Variants in ZC3H18 observed in about 807,000 individuals in gnomAD.
ZC3H18 encodes zinc finger CCCH domain-containing protein 18.
In ZC3H18, 8 loss-of-function variants were observed where a neutral mutation model predicts 106.1. That is an observed-to-expected ratio of 0.08 (90% CI 0.04 to 0.14). The LOEUF (loss-of-function observed/expected upper bound fraction) is 0.14. Ranked by LOEUF, ZC3H18 falls within the 10% of genes least tolerant of loss-of-function variation. The pLI, the probability that ZC3H18 is intolerant of heterozygous loss-of-function variation, is 1.00. For synonymous variants in ZC3H18, 635 were observed against 522.1 expected (o/e 1.22, Z -2.95); for missense variants, 1,318 against 1,278.4 (o/e 1.03, Z -0.47).
intron 2 of ZC3H18, among the ~76,000 whole-genome samples, chr16:88,579,793 G>T (rs1043624358): frequency 3.5e-4 from 54 of 152,158 alleles, no homozygotes; most frequent in Non-Finnish European, 1.0e-4. Context: ...TTCTTCCACC[G>T]CACAGACTGC....
At chr16:88,624,489 G>A in intron 11 of ZC3H18, 113 bp from the exon 12 acceptor site, 1 of 1,516,076 alleles carries the variant, frequency 6.6e-7, no homozygotes, top group Non-Finnish European at 9.0e-7. Flanking sequence ...TGCTCACCGA[G>A]CGTCACAGGC....
At chr16:88,629,399 C>A (rs1667968119) in intron 16 of ZC3H18, among the ~76,000 whole-genome samples, 1 of 152,242 alleles carries the variant, frequency 6.6e-6, no homozygotes, top group African/African-American at 2.4e-5. Flanking sequence ...TCGCTTGAAC[C>A]TGGGAGGCAG....
intron 9 of ZC3H18, 44 bp from the exon 10 acceptor site, chr16:88,623,175 G>A (rs1368799035): frequency 1.9e-6 from 3 of 1,598,350 alleles, no homozygotes; most frequent in South Asian, 2.2e-5. Flanking sequence ...GGGGCAGGGA[G>A]GGCCCTTCTC....
At chr16:88,624,539 G>C (rs1906175373) in intron 11 of ZC3H18, 63 bp from the exon 12 acceptor site, 8 of 1,610,884 alleles carry the variant, frequency 5.0e-6, no homozygotes, top group Non-Finnish European at 6.8e-6. Context: ...CATTGAAAGG[G>C]GATGTAGGCC....
chr16:88,619,717 C>T (rs537513442), intron 8 of ZC3H18, among the ~76,000 whole-genome samples: 18 of 152,310 alleles, frequency 1.2e-4, no homozygotes, highest in African/African-American at 4.1e-4. Context: ...TTCCCCCTCA[C>T]CGCAGCTAGG....
chr16:88,623,105 G>A (rs1176698635), intron 9 of ZC3H18, 114 bp from the exon 10 acceptor site: 22 of 1,449,106 alleles, frequency 1.5e-5, no homozygotes, highest in South Asian at 2.7e-5. Flanking sequence ...GCAGCTGTGC[G>A]CTTGTGTGTA....
At chr16:88,581,151 T>C (rs1192910662) in intron 2 of ZC3H18, among the ~76,000 whole-genome samples, 1 of 152,236 alleles carries the variant, frequency 6.6e-6, no homozygotes, top group African/African-American at 2.4e-5. Context: ...TTCTTAGTTT[T>C]GATTTTTAAT....
intron 2 of ZC3H18, among the ~76,000 whole-genome samples, chr16:88,581,911 G>A (rs1915155779): frequency 6.6e-6 from 1 of 152,206 alleles, no homozygotes; most frequent in African/African-American, 2.4e-5. Flanking sequence ...CCGCTCTTTT[G>A]CTCACTCCAT....
At chr16:88,599,156 A>T (rs1429745171) in intron 5 of ZC3H18, among the ~76,000 whole-genome samples, 4 of 152,202 alleles carry the variant, frequency 2.6e-5, no homozygotes, top group Non-Finnish European at 4.4e-5. Context: ...GCCCAGGAGC[A>T]CAGGGTGCAG....
intron 1 of ZC3H18, among the ~76,000 whole-genome samples, chr16:88,574,849 A>G (rs1386677204): frequency 2.9e-4 from 37 of 128,238 alleles, no homozygotes; most frequent in Non-Finnish European, 5.4e-4. Flanking sequence ...TTTTTTTTTG[A>G]GACGGAGTCT....
At chr16:88,610,363 G>A (rs1039716944) in intron 7 of ZC3H18, among the ~76,000 whole-genome samples, 1 of 152,116 alleles carries the variant, frequency 6.6e-6, no homozygotes, top group Admixed American at 6.5e-5. Flanking sequence ...GAGGGAAGAG[G>A]GCCCCATCGT....
intron 6 of ZC3H18, among the ~76,000 whole-genome samples, chr16:88,604,050 A>G (rs888407038): frequency 6.6e-6 from 1 of 152,200 alleles, no homozygotes; most frequent in African/African-American, 2.4e-5. Context: ...CATCTGACTT[A>G]TAAAACCTCA....
chr16:88,622,989 G>A (rs1346086246), intron 9 of ZC3H18: 10 of 608,136 alleles, frequency 1.6e-5, no homozygotes, highest in South Asian at 1.6e-4. Flanking sequence ...CCACGCCCAG[G>A]TCTTGATTTC....
chr16:88,576,212 A>AT (rs11369010), intron 1 of ZC3H18, among the ~76,000 whole-genome samples: 46,656 of 147,056 alleles, frequency 0.32, 7,627 homozygotes, highest in Middle Eastern at 0.45. Context: ...GAATTTTAGT[A>AT]TTTTTTTTTT....
At chr16:88,591,701 C>T (rs145077930) in intron 3 of ZC3H18, among the ~76,000 whole-genome samples, 2 of 152,350 alleles carry the variant, frequency 1.3e-5, no homozygotes, top group Non-Finnish European at 2.9e-5. Flanking sequence ...CTGCTGTGAA[C>T]GTGGGCGTAA....
At chr16:88,570,612 CGGGAGGAGGAGGCCGCCGA>C (rs1914330204) in intron 1 of ZC3H18, 46 bp downstream of exon 1, 1 of 150,620 alleles carries the variant, frequency 6.6e-6, no homozygotes, top group Non-Finnish European at 1.5e-5. Flanking sequence ...CCGGCGGCGG[CGGGAGGAGGAGGCCGCCGA>C]GGCGGCGGCG....
At chr16:88,585,356 A>G (rs992086800) in intron 2 of ZC3H18, among the ~76,000 whole-genome samples, 18 of 152,236 alleles carry the variant, frequency 1.2e-4, no homozygotes, top group African/African-American at 3.1e-4. Flanking sequence ...TTTTCATTCA[A>G]CAGATAATTA....
rs1414415246 is a variant in ZC3H18, at chr16:88,631,419, A to C, written c.*120A>C. 7.2e-7 allele frequency: 1 copy of C among 1,387,306 alleles called. No individual in the cohort carries two copies. Among genetic ancestry groups the C allele is most frequent in the African/African-American group, 1.5e-5 (1 of 68,654 alleles). 85.9% of individuals were successfully genotyped at this position (1,387,306 alleles called of 1,614,324 possible). The stretch of plus-strand genomic sequence containing the variant: ...TTTTTAAAAAGTAAAAAAGAAAAAA[A>C]AGTTTCTCAGCTGGAAAAGAAGCCA... On this transcript the variant is annotated 3_prime_UTR_variant, in exon 18 of 18. Transcript: ENST00000301011.
At chr16:88,623,183 C>T (rs1301468248) in intron 9 of ZC3H18, 36 bp from the exon 10 acceptor site, 2 of 1,603,526 alleles carry the variant, frequency 1.2e-6, no homozygotes, top group Admixed American at 1.7e-5. Context: ...GAGGGCCCTT[C>T]TCACTTCTCG....
Sources: gnomAD v4.1 joint callset for allele counts (sites outside exome capture counted in the v4.1 genomes callset) on GRCh38, gnomAD v4.1.1 for gene constraint, MANE v1.5 for transcripts, NCBI Gene and HGNC (gene_info 2026-07-23, HGNC 2026-07-21) for gene names.